Variants in APBB2 observed in about 807,000 individuals in gnomAD.
APBB2 encodes the protein amyloid beta precursor protein binding family B member 2.
Under a neutral mutation model 82.5 loss-of-function variants are expected in APBB2, and 38 were observed. The observed-to-expected ratio is 0.46, with a 90% confidence interval of 0.36 to 0.60. The LOEUF (loss-of-function observed/expected upper bound fraction) is 0.60. Among genes scored for constraint, APBB2 ranks in the 20% least tolerant of loss-of-function variants. The pLI is 0.00. For synonymous variants in APBB2, 341 were observed against 368.2 expected (o/e 0.93, Z 0.85); for missense variants, 772 against 972.3 (o/e 0.79, Z 2.74).
chr4:40,899,280 C>G (rs1452268582), intron 10 of APBB2, among the ~76,000 whole-genome samples: 2 of 152,224 alleles, frequency 1.3e-5, no homozygotes, highest in African/African-American at 2.4e-5. Context: ...TTTAAGGGAT[C>G]TGGGTCATGG....
chr4:40,981,972 G>A (rs1798590338), intron 6 of APBB2, among the ~76,000 whole-genome samples: 1 of 151,752 alleles, frequency 6.6e-6, no homozygotes, highest in African/African-American at 2.4e-5. Flanking sequence ...GATCATTTGA[G>A]TCAGGAGTTC....
At chr4:41,097,581 G>C (rs1266450082) in intron 3 of APBB2, among the ~76,000 whole-genome samples, 1 of 152,152 alleles carries the variant, frequency 6.6e-6, no homozygotes, top group African/African-American at 2.4e-5. Context: ...CAAAAAACTT[G>C]CTGCATACTC....
intron 12 of APBB2, 87 bp downstream of exon 12, chr4:40,890,277 G>A (rs1389775831): frequency 1.1e-5 from 17 of 1,490,714 alleles, no homozygotes; most frequent in African/African-American, 5.6e-5. Flanking sequence ...TTCGTATTCC[G>A]TGAAATGCTG....
chr4:41,051,183 C>T (rs962237098), intron 4 of APBB2, among the ~76,000 whole-genome samples: 2 of 152,192 alleles, frequency 1.3e-5, no homozygotes, highest in Non-Finnish European at 2.9e-5. Flanking sequence ...CTCCTGAGCT[C>T]ACACCCACAG....
At chr4:40,916,824 T>C (rs747741294) in intron 10 of APBB2, among the ~76,000 whole-genome samples, 2 of 152,122 alleles carry the variant, frequency 1.3e-5, no homozygotes, top group Non-Finnish European at 2.9e-5. Flanking sequence ...GCAGGTGAGA[T>C]CCTGTTGTGA....
chr4:41,132,280 T>C (rs1012138492), intron 2 of APBB2, among the ~76,000 whole-genome samples: 10 of 151,782 alleles, frequency 6.6e-5, no homozygotes, highest in African/African-American at 2.2e-4. Context: ...CTATCAAGAG[T>C]TGAAGAGTTA....
intron 12 of APBB2, among the ~76,000 whole-genome samples, chr4:40,853,976 C>A (rs1283746198): frequency 6.6e-6 from 1 of 152,212 alleles, no homozygotes; most frequent in East Asian, 1.9e-4. Flanking sequence ...CCTGCCTCTT[C>A]AAACAGGGAC....
chr4:41,159,286 G>A (rs1580490994), intron 1 of APBB2, among the ~76,000 whole-genome samples: 1 of 151,824 alleles, frequency 6.6e-6, no homozygotes, highest in South Asian at 2.1e-4. Flanking sequence ...AGGAAGAAGG[G>A]AAGGGAACAG....
intron 4 of APBB2, among the ~76,000 whole-genome samples, chr4:41,051,885 GCTAAC>G (rs1336691360): frequency 6.6e-6 from 1 of 152,148 alleles, no homozygotes; most frequent in African/African-American, 2.4e-5. Context: ...AGGTAAGTCA[GCTAAC>G]CTCCGTTTCC....
chr4:41,061,559 G>A (rs1453445056), intron 4 of APBB2, among the ~76,000 whole-genome samples: 3 of 152,230 alleles, frequency 2.0e-5, no homozygotes. Context: ...AGGTACAGGA[G>A]AAATAGGGTC....
chr4:41,196,223 A>G, intron 1 of APBB2, among the ~76,000 whole-genome samples: 9 of 151,592 alleles, frequency 5.9e-5, no homozygotes, highest in African/African-American at 2.2e-4. Context: ...CGTCTAGTTC[A>G]TTTTTCATCA....
intron 6 of APBB2, among the ~76,000 whole-genome samples, chr4:40,988,473 T>G (rs1385103016): frequency 2.0e-5 from 3 of 151,512 alleles, no homozygotes; most frequent in Non-Finnish European, 4.4e-5. Flanking sequence ...TTGTCTTTAC[T>G]AAAAATACAA....
At chr4:40,988,852 G>A (rs573255377) in intron 6 of APBB2, among the ~76,000 whole-genome samples, 3 of 150,120 alleles carry the variant, frequency 2.0e-5, no homozygotes, top group Admixed American at 1.3e-4. Context: ...TGCAGCCTCC[G>A]CTTCCCGGGT....
chr4:41,165,319 T>C (rs1766223849), intron 1 of APBB2, among the ~76,000 whole-genome samples: 1 of 152,062 alleles, frequency 6.6e-6, no homozygotes, highest in Non-Finnish European at 1.5e-5. Context: ...CATCTTACCA[T>C]CCAATGCTAC....
At chr4:40,917,738 A>G (rs1285277925) in intron 10 of APBB2, among the ~76,000 whole-genome samples, 1 of 152,250 alleles carries the variant, frequency 6.6e-6, no homozygotes, top group African/African-American at 2.4e-5. Context: ...CTTCTACAGG[A>G]TATCAAAGAA....
intron 2 of APBB2, among the ~76,000 whole-genome samples, chr4:41,112,759 G>A (rs1749642999): frequency 6.6e-6 from 1 of 152,182 alleles, no homozygotes; most frequent in African/African-American, 2.4e-5. Context: ...GGAGGCCAAG[G>A]CGGGTGGATC....
At chr4:40,953,466 T>G (rs184950665) in intron 6 of APBB2, among the ~76,000 whole-genome samples, 1 of 151,888 alleles carries the variant, frequency 6.6e-6, no homozygotes, top group East Asian at 1.9e-4. Context: ...GGTGTGTCAT[T>G]GCACCGAGAT....
chr4:41,106,980 T>G (rs1378364481), intron 2 of APBB2, among the ~76,000 whole-genome samples: 1 of 151,526 alleles, frequency 6.6e-6, no homozygotes. Flanking sequence ...TTAAAAGGGC[T>G]CCTCATAGCC....
intron 14 of APBB2, 91 bp downstream of exon 14, chr4:40,827,041 A>T: frequency 8.5e-7 from 1 of 1,181,636 alleles, no homozygotes; most frequent in Non-Finnish European, 1.2e-6. Context: ...CTTTAAGGAG[A>T]CTTGAAATAC....
Sources: gnomAD v4.1 joint callset for allele counts (sites outside exome capture counted in the v4.1 genomes callset) on GRCh38, gnomAD v4.1.1 for gene constraint, MANE v1.5 for transcripts, NCBI Gene and HGNC (gene_info 2026-07-23, HGNC 2026-07-21) for gene names.